UTP20: variants seen among roughly 807,000 people sequenced by gnomAD.
The protein encoded by UTP20 is UTP20 small subunit processome component, also known as small subunit processome component 20 homolog.
In UTP20, 164 loss-of-function variants were observed where a neutral mutation model predicts 329.5. That is an observed-to-expected ratio of 0.50 (90% CI 0.44 to 0.57). The LOEUF is 0.57. Among genes scored for constraint, UTP20 ranks in the 20% least tolerant of loss-of-function variants. UTP20 has a pLI of 0.00. For synonymous variants in UTP20, 1,151 were observed against 1,159.3 expected, an observed-to-expected ratio of 0.99 and a Z score of 0.14; for missense variants, 3,055 against 3,284.2, an observed-to-expected ratio of 0.93 and a Z score of 1.71.
intron 48 of UTP20, 150 bp downstream of exon 48, chr12:101,368,126 GTTTT>G: frequency 2.2e-6 from 1 of 451,430 alleles, no homozygotes. Flanking sequence ...GGGTTTTTGG[GTTTT>G]TTTTTTTTTG....
chr12:101,285,453 G>A, intron 2 of UTP20, 117 bp from the exon 3 acceptor site: 1 of 1,111,318 alleles, frequency 9.0e-7, no homozygotes, highest in African/African-American at 1.6e-5. Flanking sequence ...AAACTAAAAG[G>A]AGTTCTTAAA....
rs1870826508 is a variant in UTP20 at position 101,386,194 on chromosome 12, C to T, written c.*71C>T. The T allele has an allele frequency of 9.0e-6, 13 of 1,451,434 alleles. No homozygotes were observed. Among genetic ancestry groups the T allele is most frequent in the Non-Finnish European group, 1.2e-5 (13 of 1,072,404 alleles). The allele number at this position is 1,451,434 out of a possible 1,614,324, so 89.9% of individuals were successfully genotyped here. On this transcript the variant is annotated 3_prime_UTR_variant, in exon 62 of 62. Coordinates refer to ENST00000261637, the MANE Select transcript of UTP20 (RefSeq NM_014503.3). ...CTAGTCTGAAATTACAGTAGGTTGT[C>T]TGGGGTAGGGGGGAGGCGTTTTTTT...
At chr12:101,347,479 C>T (rs1405674262) in intron 38 of UTP20, among the ~76,000 whole-genome samples, 3 of 151,952 alleles carry the variant, frequency 2.0e-5, no homozygotes, top group Non-Finnish European at 4.4e-5. Flanking sequence ...GCCGAGATTA[C>T]GCTACTGCAC....
intron 51 of UTP20, among the ~76,000 whole-genome samples, chr12:101,372,415 A>T (rs575956102): frequency 5.3e-5 from 8 of 152,344 alleles, no homozygotes; most frequent in African/African-American, 1.7e-4. Flanking sequence ...GATGAGATTT[A>T]ACTGAGAAAC....
intron 31 of UTP20, among the ~76,000 whole-genome samples, chr12:101,339,254 A>C (rs979631845): frequency 1.3e-5 from 2 of 152,192 alleles, no homozygotes; most frequent in African/African-American, 4.8e-5. Context: ...CGGAGGTTGC[A>C]GTGAGCCGAG....
In UTP20 at chr12:101,383,112, T is replaced by C; in HGVS notation, c.7728T>C (p.Ser2576=). The C allele has an allele frequency of 6.2e-7, 1 of 1,613,852 alleles. No individual in the cohort carries two copies. The highest frequency in any genetic ancestry group is 8.5e-7 in the Non-Finnish European group (1 of 1,179,864). ...AACTTTATTGTGAGGATAAGCAAAG[T>C]AAGATAAAAGAAGACCTGGAAGAAC... ...LLELYCEDKQ[S]KIKEDLEEQE... Residue 2576 remains serine (S), a synonymous_variant, in exon 59 of 62, where the codon AGT becomes AGC. Coordinates refer to ENST00000261637, the MANE Select transcript of UTP20 (RefSeq NM_014503.3).
At chr12:101,294,004 G>A (rs1872259621) in intron 11 of UTP20, among the ~76,000 whole-genome samples, 1 of 151,896 alleles carries the variant, frequency 6.6e-6, no homozygotes, top group South Asian at 2.1e-4. Context: ...CAGCCATCGG[G>A]TCTAATGATT....
intron 48 of UTP20, among the ~76,000 whole-genome samples, chr12:101,368,327 T>C (rs1870167863): frequency 6.6e-6 from 1 of 152,024 alleles, no homozygotes; most frequent in South Asian, 2.1e-4. Context: ...GACACGGGGT[T>C]TCATCTTGTT....
At chr12:101,382,581 G>T (rs894901319) in intron 58 of UTP20, among the ~76,000 whole-genome samples, 1 of 152,024 alleles carries the variant, frequency 6.6e-6, no homozygotes, top group African/African-American at 2.4e-5. Context: ...GGCCAGGCAC[G>T]GTGGCTCACA....
At chr12:101,323,613 AT>A (rs1868451155) in intron 25 of UTP20, among the ~76,000 whole-genome samples, 1 of 152,046 alleles carries the variant, frequency 6.6e-6, no homozygotes, top group Non-Finnish European at 1.5e-5. Flanking sequence ...ATTATGGGTC[AT>A]TTGTGTTTAT....
intron 60 of UTP20, 36 bp from the exon 61 acceptor site, chr12:101,385,547 A>G (rs778726604): frequency 6.3e-7 from 1 of 1,588,114 alleles, no homozygotes; most frequent in Non-Finnish European, 8.5e-7. Flanking sequence ...GTCCTTTCCT[A>G]CCTGTCTCTG....
chr12:101,308,406 C>T, intron 18 of UTP20, 63 bp downstream of exon 18: 1 of 1,179,822 alleles, frequency 8.5e-7, no homozygotes, highest in Non-Finnish European at 1.1e-6. Context: ...TTTGGGGAAG[C>T]ACATCAAGTA....
At chr12:101,335,719 C>T (rs1395661684) in intron 29 of UTP20, among the ~76,000 whole-genome samples, 4 of 151,960 alleles carry the variant, frequency 2.6e-5, no homozygotes, top group Non-Finnish European at 5.9e-5. Context: ...TTGTTTTTTT[C>T]ATGTATCTTT....
In UTP20 at chr12:101,338,853, AC is replaced by A; in HGVS notation, c.3911del (p.Pro1304LeufsTer12). 6.2e-7 allele frequency: 1 copy of A among 1,611,938 alleles called. No homozygotes were observed. The highest frequency in any genetic ancestry group is 1.1e-5 in the South Asian group (1 of 90,714). On this transcript the variant is annotated frameshift_variant, in exon 31 of 62. Transcript: ENST00000261637. LOFTEE classifies it high-confidence loss of function. The part of the protein sequence containing the change: ...IGGRLILPHV[P>X]AILQYLSKTT... ...GAGGAAGATTAATTCTACCTCATGT[AC>A]CTGCAATTCTTCAGTATCTCAGCAA...
intron 2 of UTP20, among the ~76,000 whole-genome samples, chr12:101,282,927 A>C (rs1305479475): frequency 1.3e-5 from 2 of 152,228 alleles, no homozygotes; most frequent in African/African-American, 4.8e-5. Flanking sequence ...TGCAGCAAGG[A>C]AGATAATGAG....
At position 101,289,005 on chromosome 12, in the gene UTP20, T is replaced by C. The variant is rs1008047250; in HGVS notation, c.561T>C (p.Asn187=). ...LLAHKKLHIR[N]FAAESFTFLM... The stretch of plus-strand genomic sequence containing the variant: ...CTCATAAAAAACTACATATAAGAAA[T>C]TTTGCTGCTGAAAGTTTTACTTTTT... The change falls in exon 6 of 62, where the codon AAT becomes AAC. Residue 187 remains asparagine, a synonymous_variant. Coordinates refer to ENST00000261637, the MANE Select transcript of UTP20 (RefSeq NM_014503.3). The C allele has an allele frequency of 1.2e-6, 2 of 1,613,782 alleles. No individual in the cohort carries two copies. The highest frequency in any genetic ancestry group is 1.7e-6 in the Non-Finnish European group (2 of 1,179,922).
intron 43 of UTP20, among the ~76,000 whole-genome samples, chr12:101,358,514 C>T (rs1340852571): frequency 1.3e-5 from 2 of 152,116 alleles, no homozygotes; most frequent in East Asian, 1.9e-4. Flanking sequence ...ATCATTTTGC[C>T]GTAGTCTAGA....
At chr12:101,313,954 T>G (rs1233223846) in intron 21 of UTP20, among the ~76,000 whole-genome samples, 1 of 152,156 alleles carries the variant, frequency 6.6e-6, no homozygotes, top group Non-Finnish European at 1.5e-5. Context: ...GGCATTTAAT[T>G]TAGAAGTTCA....
At chr12:101,336,294 T>G (rs1300696947) in intron 29 of UTP20, among the ~76,000 whole-genome samples, 1 of 152,158 alleles carries the variant, frequency 6.6e-6, no homozygotes, top group Non-Finnish European at 1.5e-5. Context: ...ACTTTTTAAT[T>G]AAAAAAATTT....
Sources: gnomAD v4.1 joint callset for allele counts (sites outside exome capture counted in the v4.1 genomes callset) on GRCh38, gnomAD v4.1.1 for gene constraint, MANE v1.5 for transcripts, NCBI Gene and HGNC (gene_info 2026-07-23, HGNC 2026-07-21) for gene names.